ABCA6: variants seen among roughly 807,000 people sequenced by gnomAD.
The protein encoded by ABCA6 is ATP-binding cassette sub-family A member 6.
A neutral mutation model predicts 191.2 loss-of-function variants in ABCA6; 164 were observed. The ratio of observed to expected loss-of-function variants is 0.86; its 90% confidence interval spans 0.76 to 0.98. ABCA6 has a LOEUF of 0.98. ABCA6 is among the 50% of genes least tolerant of loss of function. The probability of loss-of-function intolerance (pLI) is 0.00; values close to 1 mark genes in which losing one functional copy is unlikely to be tolerated. For synonymous variants in ABCA6, 636 were observed against 647.7 expected (o/e 0.98, Z 0.27); for missense variants, 1,958 against 1,894.1 (o/e 1.03, Z -0.63).
At chr17:69,134,853 T>C in intron 4 of ABCA6, 111 bp from the exon 5 acceptor site, 1 of 708,636 alleles carries the variant, frequency 1.4e-6, no homozygotes, top group East Asian at 2.8e-5. Flanking sequence ...CAGTAAACTT[T>C]TTTGGTGGTG....
Position 69,096,712 on chromosome 17 carries a change from A to G in ABCA6, c.3210T>C (p.Ile1070=). 6.3e-7 allele frequency: 1 copy of G among 1,591,110 alleles called. No individual in the cohort carries two copies. The highest frequency in any genetic ancestry group is 1.2e-5 in the South Asian group (1 of 86,252). Residue 1070 remains isoleucine (I), a synonymous_variant, in exon 24 of 39, where the codon ATT becomes ATC. Transcript: ENST00000284425. ...GQALVDVSFF[I]LILLLMYLIF... ...TTAAATACATTAAAAGGAGAATTAA[A>G]ATGAAGAAGCTGACGTCCACTAGTG...
chr17:69,126,092 G>A (rs187327049), intron 8 of ABCA6, among the ~76,000 whole-genome samples: 3 of 152,126 alleles, frequency 2.0e-5, no homozygotes, highest in African/African-American at 2.4e-5. Context: ...TAAGGATTGC[G>A]ATGGGAAAAA....
intron 27 of ABCA6, among the ~76,000 whole-genome samples, chr17:69,088,507 T>A (rs1054091959): frequency 6.6e-6 from 1 of 152,102 alleles, no homozygotes; most frequent in African/African-American, 2.4e-5. Flanking sequence ...ATAACCCAAT[T>A]ATTTCTCACC....
chr17:69,109,474 T>G (rs2073376382), intron 17 of ABCA6: 1 of 152,208 alleles, frequency 6.6e-6, no homozygotes, highest in Non-Finnish European at 1.5e-5. Context: ...TTTTGTAGAC[T>G]ATGTAAGTTG....
At position 69,078,927 on chromosome 17, in the gene ABCA6, A is replaced by G; in HGVS notation, c.*46T>C. On this transcript the variant is annotated 3_prime_UTR_variant, in exon 39 of 39. Transcript: ENST00000284425. Reference sequence around the variant, plus strand: ...AACATACTATTAATTATTACATAAAACATGAGTTTATAGGAGATCAACAAA... The same window carrying G: ...AACATACTATTAATTATTACATAAAGCATGAGTTTATAGGAGATCAACAAA... 1 of 1,135,760 alleles carries G rather than the reference A, an allele frequency of 8.8e-7. No homozygotes were observed. The highest frequency in any genetic ancestry group is 1.3e-6 in the Non-Finnish European group (1 of 790,776). 70.4% of individuals were successfully genotyped at this position (1,135,760 alleles called of 1,614,324 possible).
Position 69,134,759 on chromosome 17 carries a change from A to G in ABCA6, c.461-17T>C, listed in dbSNP as rs1381308405. On this transcript the variant is annotated splice_polypyrimidine_tract_variant and intron_variant, in intron 4 of 38. Transcript: ENST00000284425. ...AGCAATGAGCTGTAAGCACAAAGAA[A>G]AGCACAGCCAACATTATGGGACGAG... The G allele has an allele frequency of 1.3e-6, 2 of 1,554,170 alleles. No homozygotes were observed. Among genetic ancestry groups the G allele is most frequent in the Admixed American group, 1.7e-5 (1 of 59,558 alleles).
chr17:69,123,155 A>G (rs2076139890), intron 10 of ABCA6, 84 bp downstream of exon 10: 14 of 902,402 alleles, frequency 1.6e-5, no homozygotes, highest in Non-Finnish European at 1.9e-5. Flanking sequence ...CTAAAACTTA[A>G]AGTATAATAA....
At position 69,084,294 on chromosome 17, in the gene ABCA6, G is replaced by C. The variant is rs140087185; in HGVS notation, c.4322C>G (p.Thr1441Arg). ...CTGCTGCCCTGTGGGGTCTATGCCC[G>C]TAGATGGTTCATCCAGGAGCAAGAC... ...SPVLLLDEPS[T>R]GIDPTGQQQM... Residue 1441 changes from threonine to arginine, a missense_variant, in exon 34 of 39, where the codon ACG (threonine) becomes AGG (arginine). Transcript: ENST00000284425. The C allele has an allele frequency of 1.2e-6, 2 of 1,614,110 alleles. No homozygotes were observed.
chr17:69,139,752 G>A (rs1403455605), intron 2 of ABCA6, among the ~76,000 whole-genome samples: 1 of 152,022 alleles, frequency 6.6e-6, no homozygotes, highest in African/African-American at 2.4e-5. Flanking sequence ...ATACACCATG[G>A]AATACTATGC....
rs147204308 is a variant in ABCA6, at chr17:69,123,307, A to G, written c.1368T>C (p.Asp456=). ...TNAKVIEKEI[D]AEHPSDDYFE... ...AATAATCATCAGAGGGATGCTCAGC[A>G]TCGATTTCTTTCTCAATAACCTTAG... The change falls in exon 10 of 39, where the codon GAT becomes GAC. Residue 456 remains aspartate (D), a synonymous_variant. Coordinates refer to ENST00000284425, the MANE Select transcript of ABCA6 (RefSeq NM_080284.3). 5.1e-6 allele frequency: 8 copies of G among 1,575,778 alleles called. No homozygotes were observed. In the African/African-American group the frequency reaches 1.1e-4, roughly 21 times the overall value.
At position 69,124,932 on chromosome 17, in the gene ABCA6, AG is replaced by A; in HGVS notation, c.1222del (p.Leu408SerfsTer28). 1 of 1,577,970 alleles carries A rather than the reference AG, an allele frequency of 6.3e-7. No homozygotes were observed. Among genetic ancestry groups the A allele is most frequent in the South Asian group, 1.2e-5 (1 of 84,636 alleles). Reference sequence around the variant, plus strand: ...GTATAATGCCAATAGCAAGTAGATGAGACCATCCAAAAGCAACATAGAAAAA... The same window carrying A: ...GTATAATGCCAATAGCAAGTAGATGAACCATCCAAAAGCAACATAGAAAAA... ...ATFSMLLLDG[L>X]IYLLLALYFD... is the part of the protein sequence containing the mutation. On this transcript the variant is annotated frameshift_variant, in exon 9 of 39. Coordinates refer to ENST00000284425, the MANE Select transcript of ABCA6 (RefSeq NM_080284.3). LOFTEE classifies it high-confidence loss of function.
chr17:69,096,757 A>G lies in ABCA6; in HGVS notation c.3165T>C (p.Ser1055=). 6.4e-7 allele frequency: 1 copy of G among 1,574,368 alleles called. No individual in the cohort carries two copies. Among genetic ancestry groups the G allele is most frequent in the Non-Finnish European group, 8.6e-7 (1 of 1,166,042 alleles). ...SQLWISGLYT[S]AYWCGQALVD... ...CTAGTGCCTGCCCACACCAGTAAGCAGAAGTGTAGAGGCCTGAAATCCATA... is the reference window on the plus strand; with the variant it reads ...CTAGTGCCTGCCCACACCAGTAAGCGGAAGTGTAGAGGCCTGAAATCCATA... The change falls in exon 24 of 39, where the codon TCT becomes TCC. Residue 1055 remains serine (S), a synonymous_variant. Coordinates refer to ENST00000284425, the MANE Select transcript of ABCA6 (RefSeq NM_080284.3).
chr17:69,094,129 T>G (rs899045016), intron 25 of ABCA6, among the ~76,000 whole-genome samples: 3 of 152,214 alleles, frequency 2.0e-5, no homozygotes, highest in Admixed American at 2.0e-4. Flanking sequence ...GATCTTTTAT[T>G]TGTGATAATT....
chr17:69,102,763 T>C, intron 21 of ABCA6, 72 bp downstream of exon 21: 2 of 1,410,424 alleles, frequency 1.4e-6, no homozygotes, highest in Non-Finnish European at 1.9e-6. Flanking sequence ...CTAGCTTTAA[T>C]TTCTGCAGTT....
At chr17:69,139,414 T>G (rs932779554) in intron 2 of ABCA6, among the ~76,000 whole-genome samples, 7 of 152,128 alleles carry the variant, frequency 4.6e-5, no homozygotes, top group Admixed American at 2.6e-4. Context: ...CTCACACCAG[T>G]TAGAATGGCA....
At chr17:69,120,634 T>C in intron 10 of ABCA6, among the ~76,000 whole-genome samples, 1 of 152,084 alleles carries the variant, frequency 6.6e-6, no homozygotes, top group East Asian at 1.9e-4. Context: ...TATTTCAGCA[T>C]TTCTTTGTAA....
At chr17:69,131,229 A>G (rs1225524315) in intron 6 of ABCA6, among the ~76,000 whole-genome samples, 1 of 152,206 alleles carries the variant, frequency 6.6e-6, no homozygotes, top group African/African-American at 2.4e-5. Context: ...TAGCTGAAGC[A>G]TATAGCACAA....
At position 69,110,797 on chromosome 17, in the gene ABCA6, T is replaced by G; in HGVS notation, c.2272+4A>C. 2.5e-6 allele frequency: 4 copies of G among 1,600,146 alleles called. No homozygotes were observed. Among genetic ancestry groups the G allele is most frequent in the Non-Finnish European group, 3.4e-6 (4 of 1,174,672 alleles). ...TCATTTCATTGTAATCATAGTTGAGTTACCTGGAAATGTATTTGTCCTTTC... is the reference window on the plus strand; with the variant it reads ...TCATTTCATTGTAATCATAGTTGAGGTACCTGGAAATGTATTTGTCCTTTC... On this transcript the variant is annotated splice_donor_region_variant and intron_variant, in intron 17 of 38. Transcript: ENST00000284425.
chr17:69,124,274 C>T (rs928553955), intron 9 of ABCA6, among the ~76,000 whole-genome samples: 11 of 151,714 alleles, frequency 7.3e-5, no homozygotes, highest in African/African-American at 2.7e-4. Context: ...ATAAGACAAC[C>T]TTAAATAGTG....
Sources: allele counts gnomAD v4.1 joint callset (sites outside exome capture counted in the v4.1 genomes callset), GRCh38; gene constraint gnomAD v4.1.1; transcripts MANE v1.5; gene names NCBI Gene and HGNC (gene_info 2026-07-23, HGNC 2026-07-21).